The following CCBE1 variants were observed in gnomAD, a reference collection of about 807,000 sequenced individuals.
CCBE1 encodes the protein collagen and calcium binding EGF domains 1, also known as collagen and calcium-binding EGF domain-containing protein 1.
CCBE1 carries 37 observed loss-of-function variants against 50.0 expected under a neutral mutation model. The observed-to-expected ratio is 0.74, with a 90% CI of 0.57 to 0.97. The LOEUF (loss-of-function observed/expected upper bound fraction) is 0.97. Ranked by LOEUF, CCBE1 falls within the 50% of genes least tolerant of loss-of-function variation. The pLI is 0.00. For synonymous variants in CCBE1, 234 were observed against 203.7 expected (o/e 1.15, Z -1.27); for missense variants, 538 against 523.8 (o/e 1.03, Z -0.26).
intron 2 of CCBE1, among the ~76,000 whole-genome samples, chr18:59,623,639 C>T (rs759859907): frequency 8.5e-5 from 13 of 152,096 alleles, no homozygotes; most frequent in African/African-American, 1.9e-4. Context: ...TTATCCTGTA[C>T]GTGCTAGGAG....
intron 5 of CCBE1, among the ~76,000 whole-genome samples, chr18:59,464,480 C>CT (rs1457404680): frequency 3.9e-5 from 6 of 152,188 alleles, no homozygotes; most frequent in African/African-American, 1.4e-4. Flanking sequence ...TGTTACTTTT[C>CT]TCCAGTCAAC....
intron 2 of CCBE1, among the ~76,000 whole-genome samples, chr18:59,672,893 T>C (rs961551699): frequency 6.6e-6 from 1 of 152,084 alleles, no homozygotes; most frequent in African/African-American, 2.4e-5. Flanking sequence ...AGACTACAAA[T>C]TGGTTTCAGT....
chr18:59,650,686 T>A (rs2054115480), intron 2 of CCBE1, among the ~76,000 whole-genome samples: 1 of 151,310 alleles, frequency 6.6e-6, no homozygotes, highest in Non-Finnish European at 1.5e-5. Context: ...CTGCTTGGAA[T>A]TTACAGCCGC....
chr18:59,610,758 C>T (rs954310328), intron 2 of CCBE1, among the ~76,000 whole-genome samples: 18 of 143,214 alleles, frequency 1.3e-4, no homozygotes, highest in East Asian at 4.9e-4. Flanking sequence ...ACATGAGGAA[C>T]GGAGCCTCAC....
At chr18:59,478,401 A>G (rs1026442050) in intron 3 of CCBE1, among the ~76,000 whole-genome samples, 16 of 152,224 alleles carry the variant, frequency 1.1e-4, no homozygotes, top group Non-Finnish European at 2.1e-4. Flanking sequence ...ATGACTAAAG[A>G]TATCTTTAGT....
chr18:59,496,571 AT>A (rs1257188752), intron 2 of CCBE1, among the ~76,000 whole-genome samples: 4 of 152,234 alleles, frequency 2.6e-5, no homozygotes, highest in Non-Finnish European at 4.4e-5. Context: ...TGTTTCTTGT[AT>A]AAAATAGTGA....
chr18:59,565,941 C>T (rs1023957099), intron 2 of CCBE1, among the ~76,000 whole-genome samples: 13 of 152,134 alleles, frequency 8.5e-5, no homozygotes, highest in African/African-American at 2.9e-4. Context: ...ACTCCCCCAT[C>T]CCCCAAATGC....
At chr18:59,609,499 C>T (rs964343804) in intron 2 of CCBE1, among the ~76,000 whole-genome samples, 2 of 152,214 alleles carry the variant, frequency 1.3e-5, no homozygotes, top group African/African-American at 4.8e-5. Context: ...AGGAATCATC[C>T]TTGGCTTCTC....
rs370941972 is a variant in CCBE1, at chr18:59,643,456, G to A, written c.212+53173C>T. ...ATGTGCAGGTCCTAACATCTGGGAT[G>A]GAAGGTGTTCTTTGTTCAAGTGGTT... On this transcript the variant is annotated intron_variant, in intron 2 of 10. Coordinates refer to ENST00000439986, the MANE Select transcript of CCBE1 (RefSeq NM_133459.4). Among the ~76,000 whole-genome samples, 25 of 152,254 alleles carry A rather than the reference G, an allele frequency of 1.6e-4. No homozygotes were observed. In the East Asian group the frequency reaches 4.6e-3, roughly 28 times the overall value.
At chr18:59,482,129 C>T (rs988584059) in intron 2 of CCBE1, among the ~76,000 whole-genome samples, 27 of 152,168 alleles carry the variant, frequency 1.8e-4, no homozygotes, top group African/African-American at 6.3e-4. Context: ...CTCCCACTTA[C>T]GAGTGAGAAC....
chr18:59,658,353 AAATATATATATATAT>A (rs2054227391), intron 2 of CCBE1, among the ~76,000 whole-genome samples: 3 of 16,990 alleles, frequency 1.8e-4, no homozygotes, highest in Non-Finnish European at 2.7e-4. Flanking sequence ...AAAAAAAAAA[AAATATATATATATAT>A]ATATATATAT....
chr18:59,697,280 A>T lies in CCBE1; in HGVS notation c.63T>A (p.Gly21=). The T allele has an allele frequency of 7.1e-6, 11 of 1,549,138 alleles. No homozygotes were observed. Among genetic ancestry groups the T allele is most frequent in the Non-Finnish European group, 9.6e-6 (11 of 1,146,742 alleles). ...CCAACGCCAGGAGCAGCAGCAGCGG[A>T]CCCAGGCTCCTGCCCAGCTGGCCCC... ...AARGQLGRSL[G]PLLLLLALGH... is the part of the protein sequence containing the mutation. The change falls in exon 1 of 11, where the codon GGT becomes GGA. Residue 21 remains glycine (G), a synonymous_variant. Transcript: ENST00000439986.
chr18:59,581,862 G>A (rs777848619), intron 2 of CCBE1, among the ~76,000 whole-genome samples: 6 of 152,022 alleles, frequency 3.9e-5, no homozygotes, highest in African/African-American at 9.7e-5. Flanking sequence ...CCACCTCCCC[G>A]CTGAGAACCA....
chr18:59,680,019 G>A (rs1053171650), intron 2 of CCBE1, among the ~76,000 whole-genome samples: 2 of 151,914 alleles, frequency 1.3e-5, no homozygotes, highest in Middle Eastern at 6.8e-3. Flanking sequence ...AGGTCAGGAC[G>A]AGACCAACTC....
intron 2 of CCBE1, among the ~76,000 whole-genome samples, chr18:59,673,317 G>C (rs1301538584): frequency 1.3e-5 from 2 of 152,140 alleles, no homozygotes; most frequent in Non-Finnish European, 2.9e-5. Flanking sequence ...TGGGTGTGGT[G>C]GCAGACACCT....
chr18:59,534,673 G>C (rs1359528700), intron 2 of CCBE1, among the ~76,000 whole-genome samples: 1 of 152,168 alleles, frequency 6.6e-6, no homozygotes, highest in African/African-American at 2.4e-5. Flanking sequence ...GGGCCAGCAG[G>C]CTGTGTTTTC....
intron 2 of CCBE1, among the ~76,000 whole-genome samples, chr18:59,525,916 C>T (rs1367713017): frequency 6.6e-6 from 1 of 152,106 alleles, no homozygotes; most frequent in Non-Finnish European, 1.5e-5. Flanking sequence ...GGTCTTATTT[C>T]TGAGTTTTCT....
At chr18:59,546,824 A>T (rs1303884308) in intron 2 of CCBE1, among the ~76,000 whole-genome samples, 2 of 152,120 alleles carry the variant, frequency 1.3e-5, no homozygotes, top group Non-Finnish European at 2.9e-5. Context: ...ACAATCTTTT[A>T]TCTAAATCAA....
At chr18:59,465,816 C>G (rs567861936) in intron 5 of CCBE1, 5 of 152,068 alleles carry the variant, frequency 3.3e-5, no homozygotes, top group African/African-American at 1.2e-4. Context: ...GAAAACACAG[C>G]GTTTCTGACC....
Sources: allele counts gnomAD v4.1 joint callset (sites outside exome capture counted in the v4.1 genomes callset), GRCh38; gene constraint gnomAD v4.1.1; transcripts MANE v1.5; gene names NCBI Gene and HGNC (gene_info 2026-07-23, HGNC 2026-07-21).